SEMA3E: variants seen among roughly 807,000 people sequenced by gnomAD.
SEMA3E encodes semaphorin 3E.
SEMA3E carries 49 observed loss-of-function variants against 93.6 expected under a neutral mutation model. The observed-to-expected ratio is 0.52, with a 90% CI of 0.42 to 0.66. SEMA3E has a LOEUF of 0.66. SEMA3E is among the 30% of genes least tolerant of loss of function. SEMA3E has a pLI of 0.00. For missense variants in SEMA3E, 906 were observed against 964.8 expected (o/e 0.94, Z 0.81); for synonymous variants, 363 against 330.7 (o/e 1.10, Z -1.06).
intron 1 of SEMA3E, among the ~76,000 whole-genome samples, chr7:83,613,000 G>A (rs974582096): frequency 1.3e-5 from 2 of 151,910 alleles, no homozygotes; most frequent in Admixed American, 6.6e-5. Flanking sequence ...TAGCTACATG[G>A]CTTTAAATTT....
intron 16 of SEMA3E, among the ~76,000 whole-genome samples, chr7:83,379,478 T>G (rs1489112483): frequency 2.0e-5 from 3 of 151,962 alleles, no homozygotes; most frequent in Non-Finnish European, 4.4e-5. Flanking sequence ...GCATGGCATA[T>G]AGTAAGCACT....
intron 1 of SEMA3E, among the ~76,000 whole-genome samples, chr7:83,507,737 A>G (rs1053770536): frequency 6.6e-6 from 1 of 151,958 alleles, no homozygotes; most frequent in Non-Finnish European, 1.5e-5. Flanking sequence ...CAGGAGTTCC[A>G]GACCAGCTTG....
intron 9 of SEMA3E, among the ~76,000 whole-genome samples, chr7:83,404,797 T>C (rs1253462301): frequency 2.0e-5 from 3 of 151,980 alleles, no homozygotes; most frequent in Admixed American, 1.3e-4. Context: ...GAGAAGAGTG[T>C]TCTATGATTA....
Position 83,364,751 on chromosome 7 carries a change from C to T in SEMA3E, c.*2835G>A, listed in dbSNP as rs73709849. 1 of 152,060 alleles carries T rather than the reference C, an allele frequency of 6.6e-6. No homozygotes were observed. Among genetic ancestry groups the T allele is most frequent in the African/African-American group, 2.4e-5 (1 of 41,394 alleles). The allele number at this position is 152,060 out of a possible 1,614,324, so 9.4% of individuals were successfully genotyped here. Reference sequence around the variant, plus strand: ...TCTAAAGAAGCAGGAGACCGGCCCTCGATGGAGGTGCCTCTTAGAAATTAG... The same window carrying T: ...TCTAAAGAAGCAGGAGACCGGCCCTTGATGGAGGTGCCTCTTAGAAATTAG... On this transcript the variant is annotated 3_prime_UTR_variant, in exon 17 of 17. Coordinates refer to ENST00000643230, the MANE Select transcript of SEMA3E (RefSeq NM_012431.3).
chr7:83,555,743 T>C (rs1369322987), intron 1 of SEMA3E, among the ~76,000 whole-genome samples: 1 of 152,234 alleles, frequency 6.6e-6, no homozygotes, highest in African/African-American at 2.4e-5. Flanking sequence ...AATTTTTTTC[T>C]CTGAACATAC....
At chr7:83,547,060 A>G (rs1791666494) in intron 1 of SEMA3E, among the ~76,000 whole-genome samples, 1 of 152,160 alleles carries the variant, frequency 6.6e-6, no homozygotes, top group African/African-American at 2.4e-5. Context: ...CTTTCCTAAA[A>G]TGTCAACCAA....
At chr7:83,409,760 A>C (rs1235884891) in intron 5 of SEMA3E, among the ~76,000 whole-genome samples, 1 of 151,698 alleles carries the variant, frequency 6.6e-6, no homozygotes, top group African/African-American at 2.4e-5. Context: ...TTTATTTATA[A>C]ATTTTATTTA....
chr7:83,555,194 C>A (rs17157803), intron 1 of SEMA3E, among the ~76,000 whole-genome samples: 18,039 of 152,002 alleles, frequency 0.12, 1,181 homozygotes, highest in East Asian at 0.2. Flanking sequence ...TAAAAATTCG[C>A]CCTGACCTGA....
chr7:83,565,294 C>G (rs926999046), intron 1 of SEMA3E, among the ~76,000 whole-genome samples: 1 of 152,114 alleles, frequency 6.6e-6, no homozygotes, highest in African/African-American at 2.4e-5. Flanking sequence ...AACACAGAAA[C>G]AGAAAACCAA....
At chr7:83,418,674 G>A (rs925279163) in intron 4 of SEMA3E, among the ~76,000 whole-genome samples, 191 bp from the exon 5 acceptor site, 2 of 152,098 alleles carry the variant, frequency 1.3e-5, no homozygotes, top group African/African-American at 4.8e-5. Context: ...ACCCATAAGA[G>A]TTCTCTCACT....
intron 1 of SEMA3E, among the ~76,000 whole-genome samples, chr7:83,625,995 C>T (rs1037507074): frequency 2.6e-5 from 4 of 151,892 alleles, no homozygotes; most frequent in Non-Finnish European, 4.4e-5. Flanking sequence ...TCTGTTTATG[C>T]GATAGATCAC....
At chr7:83,559,517 G>A (rs1337766788) in intron 1 of SEMA3E, among the ~76,000 whole-genome samples, 1 of 151,892 alleles carries the variant, frequency 6.6e-6, no homozygotes. Context: ...TGAAGCAATA[G>A]GATACTGCTA....
intron 14 of SEMA3E, among the ~76,000 whole-genome samples, chr7:83,391,658 T>C (rs1000712972): frequency 1.3e-5 from 2 of 152,124 alleles, no homozygotes; most frequent in African/African-American, 4.8e-5. Context: ...AACAAAAGTT[T>C]TGAATTAGTG....
At chr7:83,425,744 C>T (rs1043895131) in intron 4 of SEMA3E, among the ~76,000 whole-genome samples, 2 of 151,966 alleles carry the variant, frequency 1.3e-5, no homozygotes, top group Non-Finnish European at 2.9e-5. Context: ...CTAAACAAGT[C>T]GGACCTAAAT....
At chr7:83,543,643 A>G (rs1398843491) in intron 1 of SEMA3E, among the ~76,000 whole-genome samples, 1 of 152,100 alleles carries the variant, frequency 6.6e-6, no homozygotes, top group Non-Finnish European at 1.5e-5. Context: ...TGTAACTAAA[A>G]CGGTAAAGTG....
At chr7:83,627,794 T>A (rs1277441149) in intron 1 of SEMA3E, among the ~76,000 whole-genome samples, 2 of 152,138 alleles carry the variant, frequency 1.3e-5, no homozygotes, top group Non-Finnish European at 2.9e-5. Context: ...TGTCTTTTAA[T>A]TGGGGCATTT....
rs1267820847 is a variant in SEMA3E, at chr7:83,511,501, G to C, written c.116-21227C>G. Among the ~76,000 whole-genome samples the C allele has an allele frequency of 2.6e-5, 4 of 152,134 alleles. No individual in the cohort carries two copies. In the East Asian group the frequency reaches 7.7e-4, roughly 29 times the overall value. ...ACCTGCAGCTAAACATTTCTAAGTGGGTAAGGGTCTAGAGCAATCAAATCT... is the reference window on the plus strand; with the variant it reads ...ACCTGCAGCTAAACATTTCTAAGTGCGTAAGGGTCTAGAGCAATCAAATCT... On this transcript the variant is annotated intron_variant, in intron 1 of 16. Transcript: ENST00000643230.
intron 1 of SEMA3E, among the ~76,000 whole-genome samples, chr7:83,508,927 G>T (rs769784391): frequency 6.6e-6 from 1 of 152,042 alleles, no homozygotes; most frequent in African/African-American, 2.4e-5. Context: ...TAGCAAATTC[G>T]TTAAGTACAT....
intron 16 of SEMA3E, among the ~76,000 whole-genome samples, chr7:83,376,245 C>T (rs1380144593): frequency 6.6e-6 from 1 of 151,918 alleles, no homozygotes; most frequent in Non-Finnish European, 1.5e-5. Context: ...TTATGGCTGG[C>T]TTTGATCCCT....
Sources: allele counts gnomAD v4.1 joint callset (sites outside exome capture counted in the v4.1 genomes callset), GRCh38; gene constraint gnomAD v4.1.1; transcripts MANE v1.5; gene names NCBI Gene and HGNC (gene_info 2026-07-23, HGNC 2026-07-21).